Variants in TPD52L1 observed in about 807,000 individuals in gnomAD.
TPD52L1 encodes the protein tumor protein D53.
TPD52L1 carries 18 observed loss-of-function variants against 28.7 expected under a neutral mutation model. The ratio of observed to expected loss-of-function variants is 0.63; its 90% CI spans 0.43 to 0.93. The LOEUF (loss-of-function observed/expected upper bound fraction) is 0.93. Among genes scored for constraint, TPD52L1 ranks in the 40% least tolerant of loss-of-function variants. The probability of loss-of-function intolerance (pLI) is 0.00; values close to 1 mark genes in which losing one functional copy is unlikely to be tolerated. For missense variants in TPD52L1, 203 were observed against 254.8 expected (o/e 0.80, Z 1.39); for synonymous variants, 75 against 88.8 (o/e 0.84, Z 0.88).
intron 1 of TPD52L1, among the ~76,000 whole-genome samples, chr6:125,176,385 C>T (rs1242401982): frequency 6.6e-6 from 1 of 152,178 alleles, no homozygotes; most frequent in African/African-American, 2.4e-5. Flanking sequence ...CACTTATAGC[C>T]TGCTAGGGTT....
At chr6:125,180,533 T>C (rs1341241196) in intron 1 of TPD52L1, among the ~76,000 whole-genome samples, 1 of 151,690 alleles carries the variant, frequency 6.6e-6, no homozygotes, top group Non-Finnish European at 1.5e-5. Context: ...TTTTTAAATA[T>C]ACATTTACCA....
Position 125,229,235 on chromosome 6 carries a change from A to G in TPD52L1, c.253A>G (p.Lys85Glu). The change falls in exon 3 of 7, where the codon AAA becomes GAA. Residue 85 changes from lysine to glutamate, a missense_variant. Physicochemically the swap from Lys to Glu is moderately conservative, Grantham distance 56. Coordinates refer to ENST00000534000, the MANE Select transcript of TPD52L1 (RefSeq NM_003287.4). ...GAATGAATTAAAACAGAACTTCAGC[A>G]AAAGCTGGCATGACATGCAGACTAC... The part of the protein sequence containing the change: ...LMNELKQNFS[K>E]SWHDMQTTTA... 1 of 1,613,504 alleles carries G rather than the reference A, an allele frequency of 6.2e-7. No individual in the cohort carries two copies. Among genetic ancestry groups the G allele is most frequent in the South Asian group, 1.1e-5 (1 of 91,012 alleles).
chr6:125,242,987 C>T (rs558404576), intron 3 of TPD52L1, among the ~76,000 whole-genome samples: 54 of 152,198 alleles, frequency 3.5e-4, no homozygotes, highest in African/African-American at 1.3e-3. Flanking sequence ...GTCAGGCTGG[C>T]TTGGTAGTGG....
At chr6:125,212,225 G>A (rs1233259906) in intron 1 of TPD52L1, among the ~76,000 whole-genome samples, 8 of 152,000 alleles carry the variant, frequency 5.3e-5, no homozygotes, top group Admixed American at 3.3e-4. Context: ...CTACTTTATT[G>A]CATTCCTTCT....
intron 3 of TPD52L1, among the ~76,000 whole-genome samples, chr6:125,242,129 T>C (rs1023651084): frequency 1.3e-5 from 2 of 151,952 alleles, no homozygotes; most frequent in African/African-American, 4.8e-5. Flanking sequence ...ATTTGTATAG[T>C]TTTGAGGCTT....
chr6:125,154,356 TCTTTTCG>T (rs1191006308), intron 1 of TPD52L1: 1 of 1,031,750 alleles, frequency 9.7e-7, no homozygotes, highest in Non-Finnish European at 1.2e-6. Context: ...GGAATGTGAC[TCTTTTCG>T]CCCAGCGCCG....
At chr6:125,178,044 C>A (rs1014617161) in intron 1 of TPD52L1, among the ~76,000 whole-genome samples, 1 of 152,110 alleles carries the variant, frequency 6.6e-6, no homozygotes, top group Non-Finnish European at 1.5e-5. Context: ...AAGCCATTAA[C>A]CAAATTAAAC....
Position 125,263,607 on chromosome 6 carries a change from T to C in TPD52L1, c.*645T>C, listed in dbSNP as rs1316540480. 2 of 152,720 alleles carry C rather than the reference T, an allele frequency of 1.3e-5. No homozygotes were observed. The highest frequency in any genetic ancestry group is 2.9e-5 in the Non-Finnish European group (2 of 68,056). The allele number at this position is 152,720 out of a possible 1,614,324, so 9.5% of individuals were successfully genotyped here. A position where few individuals can be genotyped will look rare whatever the true frequency, so the allele number is the denominator to read the frequency against. ...GGCGGCTCACACCTGTAATCCCAAC[T>C]ATTTTGGATGCCAAGGTGAGAGGAT... On this transcript the variant is annotated 3_prime_UTR_variant, in exon 7 of 7. Coordinates refer to ENST00000534000, the MANE Select transcript of TPD52L1 (RefSeq NM_003287.4).
chr6:125,159,773 T>C (rs1447684000), intron 1 of TPD52L1, among the ~76,000 whole-genome samples: 2 of 99,200 alleles, frequency 2.0e-5, no homozygotes, highest in African/African-American at 1.8e-4. Flanking sequence ...GTTGTGTTAG[T>C]AGACGTGTGA....
chr6:125,158,901 T>C (rs1049489866), intron 1 of TPD52L1, among the ~76,000 whole-genome samples: 1 of 152,244 alleles, frequency 6.6e-6, no homozygotes, highest in Non-Finnish European at 1.5e-5. Context: ...TTGTTAAATG[T>C]GCAATAGCAT....
At chr6:125,167,517 A>C (rs1790990728) in intron 1 of TPD52L1, among the ~76,000 whole-genome samples, 1 of 152,242 alleles carries the variant, frequency 6.6e-6, no homozygotes, top group Non-Finnish European at 1.5e-5. Flanking sequence ...TTCTGAGATT[A>C]GGACTTGTAA....
At chr6:125,193,666 C>A (rs917150021) in intron 1 of TPD52L1, among the ~76,000 whole-genome samples, 27 of 151,856 alleles carry the variant, frequency 1.8e-4, no homozygotes, top group Non-Finnish European at 2.9e-5. Context: ...CTATGCAACA[C>A]ACATACAGAT....
rs549747240 is a variant in TPD52L1 at position 125,172,099 on chromosome 6, CCTTTCTTTCTTTCTTTCTTTCTTT to C, written c.19+18166_19+18189del. Among the ~76,000 whole-genome samples the C allele has an allele frequency of 9.7e-4, 74 of 76,190 alleles. 2 individuals carry two copies. Among genetic ancestry groups the C allele is most frequent in the African/African-American group, 3.3e-3 (66 of 19,714 alleles). The allele number at this position is 76,190 out of a possible 152,430, so 50.0% of individuals were successfully genotyped here. ...TTCTTTCTCTTTCTTTCTTTCTTTC[CCTTTCTTTCTTTCTTTCTTTCTTT>C]CTTTCTTTCTTTCTTTCTTTCTTTC... On this transcript the variant is annotated intron_variant, in intron 1 of 6. Coordinates refer to ENST00000534000, the MANE Select transcript of TPD52L1 (RefSeq NM_003287.4).
chr6:125,225,786 A>C (rs1241359583), intron 2 of TPD52L1, among the ~76,000 whole-genome samples: 2 of 152,206 alleles, frequency 1.3e-5, no homozygotes, highest in Admixed American at 6.5e-5. Context: ...TCCTTGTATC[A>C]GAATCTCTGA....
At chr6:125,173,035 G>T (rs912809834) in intron 1 of TPD52L1, among the ~76,000 whole-genome samples, 1 of 151,930 alleles carries the variant, frequency 6.6e-6, no homozygotes, top group Non-Finnish European at 1.5e-5. Flanking sequence ...ATTGACTCTG[G>T]GTTTGCTGTT....
At chr6:125,226,318 T>G (rs941914917) in intron 2 of TPD52L1, among the ~76,000 whole-genome samples, 14 of 152,214 alleles carry the variant, frequency 9.2e-5, no homozygotes, top group African/African-American at 3.4e-4. Context: ...TGTGCCTGAA[T>G]TTTTGAATTA....
chr6:125,173,223 G>A (rs890771417), intron 1 of TPD52L1, among the ~76,000 whole-genome samples: 3 of 152,258 alleles, frequency 2.0e-5, no homozygotes, highest in East Asian at 1.9e-4. Context: ...ATAAATCTGT[G>A]CCCCATTTTC....
intron 3 of TPD52L1, among the ~76,000 whole-genome samples, chr6:125,239,319 G>T (rs1796476851): frequency 6.6e-6 from 1 of 152,084 alleles, no homozygotes; most frequent in African/African-American, 2.4e-5. Flanking sequence ...TAATGCTGCT[G>T]ATAAAGACAT....
chr6:125,220,243 G>A, intron 2 of TPD52L1, 50 bp downstream of exon 2: 4 of 1,166,066 alleles, frequency 3.4e-6, no homozygotes, highest in Non-Finnish European at 5.1e-6. Flanking sequence ...GATCTTAAGA[G>A]TTATTATTAG....
Sources: gnomAD v4.1 joint callset for allele counts (sites outside exome capture counted in the v4.1 genomes callset) on GRCh38, gnomAD v4.1.1 for gene constraint, MANE v1.5 for transcripts, NCBI Gene and HGNC (gene_info 2026-07-23, HGNC 2026-07-21) for gene names.